The following MTRR variants were observed in gnomAD, a reference collection of about 807,000 sequenced individuals.
MTRR encodes 5-methyltetrahydrofolate-homocysteine methyltransferase reductase, also known as methionine synthase reductase.
In MTRR, 63 loss-of-function variants were observed where a neutral mutation model predicts 79.2. That is an observed-to-expected ratio of 0.80 (90% confidence interval 0.65 to 0.98). The LOEUF (loss-of-function observed/expected upper bound fraction) is 0.98, where lower values mean the gene tolerates loss of function less well. Among genes scored for constraint, MTRR ranks in the 50% least tolerant of loss-of-function variants. The pLI, the probability that MTRR is intolerant of heterozygous loss-of-function variation, is 0.00. For missense variants in MTRR, 895 were observed against 839.6 expected (o/e 1.07, Z -0.82); for synonymous variants, 355 against 313.3 (o/e 1.13, Z -1.41).
chr5:7,850,994 C>T (rs1196074466), upstream of MTRR: 6 of 1,287,050 alleles, frequency 4.7e-6, no homozygotes, highest in South Asian at 1.7e-4. Flanking sequence ...AGCGTGGACG[C>T]GGTGGTCTCC....
At chr5:7,887,742 A>ATATG (rs1736743240) in intron 8 of MTRR, among the ~76,000 whole-genome samples, 1 of 142,056 alleles carries the variant, frequency 7.0e-6, no homozygotes, top group Non-Finnish European at 1.5e-5. Context: ...GTGTATATAT[A>ATATG]TGTGTGTGTA....
At chr5:7,882,326 A>G (rs927368556) in intron 5 of MTRR, among the ~76,000 whole-genome samples, 3 of 152,164 alleles carry the variant, frequency 2.0e-5, no homozygotes, top group Non-Finnish European at 4.4e-5. Context: ...GGTGTGACCT[A>G]AGAATGCTGA....
Position 7,869,179 on chromosome 5 carries a change from G to A in MTRR, c.-62G>A. 6.2e-7 allele frequency: 1 copy of A among 1,611,676 alleles called. No individual in the cohort carries two copies. The highest frequency in any genetic ancestry group is 8.5e-7 in the Non-Finnish European group (1 of 1,179,820). ...CGCTGGCGCAAGGTTGGTGGAAGTC[G>A]CGTTGTGCAGGTTCGTGCCCGGCTG... On this transcript the variant is annotated 5_prime_UTR_variant, in exon 1 of 15. Coordinates refer to ENST00000440940, the MANE Select transcript of MTRR (RefSeq NM_002454.3).
chr5:7,889,247 T>TTGCCAGCCACCACTCC lies in MTRR; in HGVS notation c.1314_1315insCTGCCAGCCACCACTC (p.Ser439LeufsTer14), dbSNP rs2126772123. The TTGCCAGCCACCACTCC allele has an allele frequency of 4.3e-6, 7 of 1,613,014 alleles. No individual in the cohort carries two copies. The highest frequency in any genetic ancestry group is 5.9e-6 in the Non-Finnish European group (7 of 1,180,012). On this transcript the variant is annotated frameshift_variant, in exon 9 of 15. Transcript: ENST00000440940. LOFTEE classifies it high-confidence loss of function. ...TGGATCTCCTCCTCGCTTTCCCTTCTTGCCAGCCACCACTCAGTCTCCTGC... is the reference window on the plus strand; with the variant it reads ...TGGATCTCCTCCTCGCTTTCCCTTCTTGCCAGCCACCACTCCTGCCAGCCACCACTCAGTCTCCTGC...
rs540813282 is a variant in MTRR at position 7,857,244 on chromosome 5, A to G, written n.392-4707A>G. ...ATAGTTGCAAGAGCCATCATATTGA[A>G]TATGTAATTGCAACTGACACATTCA... On this transcript the variant is annotated intron_variant and non_coding_transcript_variant, in intron 1 of 3. Transcript: ENST00000502509. Among the ~76,000 whole-genome samples the G allele has an allele frequency of 3.3e-5, 5 of 152,332 alleles. No homozygotes were observed. In the East Asian group the frequency reaches 9.6e-4, roughly 29 times the overall value.
intron 3 of MTRR, 123 bp from the exon 4 acceptor site, chr5:7,875,135 C>T: frequency 2.6e-6 from 2 of 761,530 alleles, no homozygotes; most frequent in Non-Finnish European, 4.7e-6. Context: ...ATGTGAAGCT[C>T]TGCATTATTA....
chr5:7,869,683 G>T (rs1747549243), intron 1 of MTRR: 2 of 206,336 alleles, frequency 9.7e-6, no homozygotes, highest in Non-Finnish European at 2.0e-5. Context: ...TTCCGGGGCT[G>T]CTGGGGCCCG....
chr5:7,900,309 G>A lies in MTRR; in HGVS notation c.*251G>A. On this transcript the variant is annotated 3_prime_UTR_variant, in exon 15 of 15. Coordinates refer to ENST00000440940, the MANE Select transcript of MTRR (RefSeq NM_002454.3). ...GCCCTGTTGCCTTGAGCTCTTCTGA[G>A]CTAAGGCAGCCTTCAGTCCCTATCA... 1 of 480,958 alleles carries A rather than the reference G, an allele frequency of 2.1e-6. No homozygotes were observed. The highest frequency in any genetic ancestry group is 2.2e-5 in the South Asian group (1 of 46,408). The allele number at this position is 480,958 out of a possible 1,614,324, so 29.8% of individuals were successfully genotyped here.
At position 7,883,174 on chromosome 5, in the gene MTRR, T is replaced by C; in HGVS notation, c.800T>C (p.Val267Ala). Residue 267 changes from valine to alanine, a missense_variant, in exon 6 of 15, where the codon GTG (valine) becomes GCG (alanine). Val to Ala is a moderately conservative substitution (Grantham distance 64). Coordinates refer to ENST00000440940, the MANE Select transcript of MTRR (RefSeq NM_002454.3). ...TTCAAGGAGGAAAGCCAAGTATCTG[T>C]GACTTCAGCAGATCCAGTTTTTCAA... is the stretch of plus-strand genomic sequence containing the variant. ...SLGQEESQVS[V>A]TSADPVFQVP... 6.2e-7 allele frequency: 1 copy of C among 1,614,246 alleles called. No homozygotes were observed. The highest frequency in any genetic ancestry group is 1.1e-5 in the South Asian group (1 of 91,090).
At chr5:7,858,430 G>A (rs1417534888) in intron 1 of MTRR, among the ~76,000 whole-genome samples, 1 of 151,930 alleles carries the variant, frequency 6.6e-6, no homozygotes, top group Non-Finnish European at 1.5e-5. Flanking sequence ...AGAATCTACC[G>A]TGCTTATCTC....
At chr5:7,891,288 A>AC in intron 9 of MTRR, 84 bp from the exon 10 acceptor site, 2 of 673,660 alleles carry the variant, frequency 3.0e-6, no homozygotes, top group Non-Finnish European at 4.8e-6. Flanking sequence ...TAAGACATGG[A>AC]ATTTTTTTTT....
upstream of MTRR, chr5:7,851,041 C>G (rs1024606879): frequency 3.4e-5 from 42 of 1,239,056 alleles, no homozygotes; most frequent in Non-Finnish European, 4.1e-5. Flanking sequence ...GTCCAGCGCC[C>G]CCGCCTTGGC....
intron 14 of MTRR, 57 bp from the exon 15 acceptor site, chr5:7,899,857 G>A: frequency 3.8e-6 from 6 of 1,599,306 alleles, no homozygotes; most frequent in Non-Finnish European, 5.1e-6. Context: ...GTGAATTAAG[G>A]AGGATTTACT....
chr5:7,897,281 A>G (rs766191429), intron 14 of MTRR, 34 bp downstream of exon 14: 51 of 1,605,636 alleles, frequency 3.2e-5, no homozygotes, highest in Non-Finnish European at 4.2e-5. Flanking sequence ...CGGGTAGGAG[A>G]GGGCCATCAG....
At chr5:7,854,519 C>T (rs1459621763) in intron 1 of MTRR, among the ~76,000 whole-genome samples, 1 of 152,038 alleles carries the variant, frequency 6.6e-6, no homozygotes. Context: ...CTAGGGAGGC[C>T]TCAGAATCAT....
Position 7,893,022 on chromosome 5 carries a change from T to G in MTRR, c.1557+109T>G, listed in dbSNP as rs1250982182. On this transcript the variant is annotated intron_variant, in intron 11 of 14. Transcript: ENST00000440940. ...CATTCATTACTGTCATAAGAAAATT[T>G]ATGCTGTTCTTGAATTTTAAAATCT... 1.4e-5 allele frequency: 18 copies of G among 1,284,828 alleles called. No homozygotes were observed. The African/African-American group carries it at 1.8e-4, about 13-fold the overall frequency. 79.6% of individuals were successfully genotyped at this position (1,284,828 alleles called of 1,614,324 possible).
intron 4 of MTRR, among the ~76,000 whole-genome samples, chr5:7,877,103 C>T (rs1353219445): frequency 6.6e-6 from 1 of 152,150 alleles, no homozygotes; most frequent in Admixed American, 6.5e-5. Flanking sequence ...AAATCTGCCT[C>T]CTCTTGGTAT....
At position 7,897,257 on chromosome 5, in the gene MTRR, T is replaced by A. The variant is rs772471676; in HGVS notation, c.1952+10T>A. 6.2e-7 allele frequency: 1 copy of A among 1,613,918 alleles called. No homozygotes were observed. The highest frequency in any genetic ancestry group is 1.7e-4 in the Middle Eastern group (1 of 5,976). ...ATATTTATGTGTGTGGGTGAGTCAT[T>A]ATCGTGCCTAAGTCGGGTAGGAGAG... is the stretch of plus-strand genomic sequence containing the variant. On this transcript the variant is annotated intron_variant, in intron 14 of 14. Transcript: ENST00000440940.
In MTRR at chr5:7,878,241, C is replaced by T. The variant is rs1316079352; in HGVS notation, c.699C>T (p.Pro233=). The change falls in exon 5 of 15, where the codon CCC becomes CCT. Residue 233 remains proline, a synonymous_variant. Transcript: ENST00000440940. The part of the protein sequence containing the change: ...DFESSLTRSV[P]PLSQASLNIP... ...AGTCCTCACTTACCCGTTCGGTACC[C>T]CCACTCTCACAAGCCTCTCTGAATA... 2.5e-6 allele frequency: 4 copies of T among 1,614,170 alleles called. No individual in the cohort carries two copies. Among genetic ancestry groups the T allele is most frequent in the Non-Finnish European group, 1.7e-6 (2 of 1,180,026 alleles).
Sources: gnomAD v4.1 joint callset for allele counts (sites outside exome capture counted in the v4.1 genomes callset) on GRCh38, gnomAD v4.1.1 for gene constraint, MANE v1.5 for transcripts, NCBI Gene and HGNC (gene_info 2026-07-23, HGNC 2026-07-21) for gene names.